Variants in MACROD2 observed in about 807,000 individuals in gnomAD.
MACROD2 encodes ADP-ribose glycohydrolase MACROD2.
MACROD2 carries 36 observed loss-of-function variants against 70.4 expected under a neutral mutation model. That is an observed-to-expected ratio of 0.51 (90% CI 0.39 to 0.68). The LOEUF (loss-of-function observed/expected upper bound fraction) is 0.68. Ranked by LOEUF, MACROD2 falls within the 30% of genes least tolerant of loss-of-function variation. The pLI is 0.00. For missense variants in MACROD2, 496 were observed against 538.4 expected (o/e 0.92, Z 0.78); for synonymous variants, 172 against 178.8 (o/e 0.96, Z 0.30).
In MACROD2 at chr20:15,798,114, A is replaced by C. The variant is rs567792635; in HGVS notation, c.646-64631A>C. Among the ~76,000 whole-genome samples, 30 of 152,326 alleles carry C rather than the reference A, an allele frequency of 2.0e-4. No individual in the cohort carries two copies. In the South Asian group the frequency reaches 6.2e-3, roughly 32 times the overall value. On this transcript the variant is annotated intron_variant, in intron 8 of 17. Transcript: ENST00000684519. ...ATGTGCACTGGCTTTGGAATAGAGG[A>C]TGATAGAAATTAATACTGCATATTG...
chr20:14,800,771 T>C (rs1402581143), intron 5 of MACROD2, among the ~76,000 whole-genome samples: 2 of 152,128 alleles, frequency 1.3e-5, no homozygotes, highest in Non-Finnish European at 2.9e-5. Flanking sequence ...GTCGTAGCCA[T>C]GGGTATAGTT....
At chr20:15,274,742 G>A (rs945354082) in intron 6 of MACROD2, among the ~76,000 whole-genome samples, 3 of 152,088 alleles carry the variant, frequency 2.0e-5, no homozygotes, top group African/African-American at 7.2e-5. Context: ...TTGAGCTCAG[G>A]GACTGAGAAA....
intron 3 of MACROD2, among the ~76,000 whole-genome samples, chr20:14,140,344 C>T (rs1184248752): frequency 2.0e-5 from 3 of 152,078 alleles, no homozygotes; most frequent in African/African-American, 7.2e-5. Flanking sequence ...AAATGATAAA[C>T]TTTTTAATGT....
intron 5 of MACROD2, among the ~76,000 whole-genome samples, chr20:15,081,487 A>G (rs1380431854): frequency 6.6e-6 from 1 of 152,162 alleles, no homozygotes; most frequent in African/African-American, 2.4e-5. Flanking sequence ...TCTTGTATCC[A>G]TGAACCACAT....
At chr20:15,701,084 T>C (rs1412107974) in intron 8 of MACROD2, among the ~76,000 whole-genome samples, 1 of 152,198 alleles carries the variant, frequency 6.6e-6, no homozygotes, top group Admixed American at 6.5e-5. Context: ...AGCCCACGAA[T>C]TGGCAAACTA....
intron 10 of MACROD2, among the ~76,000 whole-genome samples, chr20:15,898,549 T>TAAAAAAA (rs10678216): frequency 1.7e-4 from 16 of 94,490 alleles, no homozygotes; most frequent in South Asian, 4.6e-4. Context: ...AGACTCAGTC[T>TAAAAAAA]AAAAAAAAAA....
intron 5 of MACROD2, among the ~76,000 whole-genome samples, chr20:15,010,160 GA>G (rs1387999480): frequency 2.6e-5 from 4 of 152,084 alleles, no homozygotes; most frequent in African/African-American, 9.7e-5. Flanking sequence ...AGAGTTTTTT[GA>G]AATGTGAGCT....
At chr20:15,971,758 T>A (rs546831962) in intron 13 of MACROD2, among the ~76,000 whole-genome samples, 8 of 152,086 alleles carry the variant, frequency 5.3e-5, no homozygotes, top group African/African-American at 1.9e-4. Flanking sequence ...CTGTCCTTTA[T>A]CTTTGACCCA....
chr20:14,041,473 TATG>T (rs1180849882), intron 2 of MACROD2, among the ~76,000 whole-genome samples: 2 of 152,090 alleles, frequency 1.3e-5, no homozygotes, highest in Non-Finnish European at 2.9e-5. Context: ...ATAAGGCAAA[TATG>T]ATAGCAATGA....
intron 5 of MACROD2, among the ~76,000 whole-genome samples, chr20:14,832,329 C>T (rs2072980451): frequency 6.6e-6 from 1 of 151,802 alleles, no homozygotes; most frequent in South Asian, 2.1e-4. Context: ...CAGAAGCCAA[C>T]CAGTCAGGTG....
chr20:14,663,519 TACACACACACACAC>T (rs10606501), intron 4 of MACROD2, among the ~76,000 whole-genome samples: 50 of 141,554 alleles, frequency 3.5e-4, no homozygotes, highest in Admixed American at 2.3e-3. Context: ...CAGGGATGTA[TACACACACACACAC>T]ACACACACAC....
chr20:15,770,084 A>ATTTT lies in MACROD2; in HGVS notation c.646-92660_646-92657dup, dbSNP rs1234797549. ...AAATTTATTTTTTTAATTTATTTTAATTTTCTTTTTTTTTTTTTTTTTTTT... is the reference window on the plus strand; with the variant it reads ...AAATTTATTTTTTTAATTTATTTTAATTTTTTTTCTTTTTTTTTTTTTTTTTTTT... On this transcript the variant is annotated intron_variant, in intron 8 of 17. Coordinates refer to ENST00000684519, the MANE Select transcript of MACROD2 (RefSeq NM_001351661.2). Among the ~76,000 whole-genome samples, 21 of 125,730 alleles carry ATTTT rather than the reference A, an allele frequency of 1.7e-4. 1 individual carries two copies. The highest frequency in any genetic ancestry group is 6.2e-4 in the African/African-American group (19 of 30,714). 82.5% of individuals were successfully genotyped at this position (125,730 alleles called of 152,430 possible). A position where few individuals can be genotyped will look rare whatever the true frequency, so the allele number is the denominator to read the frequency against.
At chr20:14,992,503 G>C (rs1473927001) in intron 5 of MACROD2, among the ~76,000 whole-genome samples, 17 of 152,152 alleles carry the variant, frequency 1.1e-4, no homozygotes, top group Admixed American at 1.1e-3. Context: ...TACTAATGCA[G>C]TAGGTTGACA....
intron 10 of MACROD2, among the ~76,000 whole-genome samples, chr20:15,920,117 GC>G (rs2065380620): frequency 6.6e-6 from 1 of 152,182 alleles, no homozygotes; most frequent in African/African-American, 2.4e-5. Flanking sequence ...GACAGCTGAT[GC>G]CTTCTAAAAG....
At chr20:15,249,896 G>T (rs1384336492) in intron 6 of MACROD2, among the ~76,000 whole-genome samples, 1 of 152,232 alleles carries the variant, frequency 6.6e-6, no homozygotes, top group Non-Finnish European at 1.5e-5. Flanking sequence ...TTATTTAAGA[G>T]TGAAATGTAG....
rs150490305 is a variant in MACROD2, at chr20:15,512,712, T to A, written c.645+12865T>A. On this transcript the variant is annotated intron_variant, in intron 8 of 17. Transcript: ENST00000684519. The stretch of plus-strand genomic sequence containing the variant: ...CACCACCCTCATGTGAATCAGACCC[T>A]GGATGTGGAGATACGTGCCACCCAC... Among the ~76,000 whole-genome samples, 192 of 152,242 alleles carry A rather than the reference T, an allele frequency of 1.3e-3. 2 individuals carry two copies. The highest frequency in any genetic ancestry group is 9.4e-3 in the Admixed American group (144 of 15,300).
rs145801247 is a variant in MACROD2, at chr20:14,022,724, C to T, written c.163+20320C>T. ...GTTTTCTGTTCCTGTGTTAGTTTGC[C>T]GAGATTGATGGTTTCCAGCTTCATC... On this transcript the variant is annotated intron_variant, in intron 2 of 17. Coordinates refer to ENST00000684519, the MANE Select transcript of MACROD2 (RefSeq NM_001351661.2). Among the ~76,000 whole-genome samples, 179 of 151,968 alleles carry T rather than the reference C, an allele frequency of 1.2e-3. 3 individuals carry two copies. In the East Asian group the frequency reaches 0.029, roughly 24 times the overall value.
chr20:15,199,568 A>G (rs1209229146), intron 5 of MACROD2, among the ~76,000 whole-genome samples: 1 of 152,210 alleles, frequency 6.6e-6, no homozygotes, highest in African/African-American at 2.4e-5. Context: ...GAGCCGTTAA[A>G]TGACTTTGTT....
At chr20:15,065,431 G>A (rs577105904) in intron 5 of MACROD2, among the ~76,000 whole-genome samples, 23 of 152,092 alleles carry the variant, frequency 1.5e-4, no homozygotes, top group African/African-American at 4.3e-4. Flanking sequence ...CGAGGCGGGC[G>A]GATCACAAGG....
Sources: gnomAD v4.1 joint callset for allele counts (sites outside exome capture counted in the v4.1 genomes callset) on GRCh38, gnomAD v4.1.1 for gene constraint, MANE v1.5 for transcripts, NCBI Gene and HGNC (gene_info 2026-07-23, HGNC 2026-07-21) for gene names.